HIKESHI: variants seen among roughly 807,000 people sequenced by gnomAD.
HIKESHI encodes protein Hikeshi.
In HIKESHI, 13 loss-of-function variants were observed where a neutral mutation model predicts 25.7. The observed-to-expected ratio is 0.51, with a 90% CI of 0.33 to 0.80. HIKESHI has a LOEUF of 0.80. HIKESHI is among the 30% of genes least tolerant of loss of function. The pLI is 0.02. For synonymous variants in HIKESHI, 76 were observed against 78.7 expected, an observed-to-expected ratio of 0.97 and a Z score of 0.18; for missense variants, 174 against 229.5, an observed-to-expected ratio of 0.76 and a Z score of 1.56.
chr11:86,321,556 G>A (rs146113743), intron 2 of HIKESHI, among the ~76,000 whole-genome samples: 166 of 151,214 alleles, frequency 1.1e-3, no homozygotes, highest in Non-Finnish European at 1.1e-3. Flanking sequence ...TTGAGACCAC[G>A]TGTCACTCTG....
chr11:86,304,955 T>C (rs1001515688), intron 1 of HIKESHI, among the ~76,000 whole-genome samples: 13 of 152,196 alleles, frequency 8.5e-5, no homozygotes, highest in African/African-American at 3.1e-4. Flanking sequence ...ATAAGGAGGA[T>C]TGCCTAATTA....
chr11:86,315,774 A>C (rs1183333415), intron 2 of HIKESHI, among the ~76,000 whole-genome samples: 1 of 152,144 alleles, frequency 6.6e-6, no homozygotes, highest in Non-Finnish European at 1.5e-5. Context: ...GCAAGACACA[A>C]AGTTAGCACA....
intron 2 of HIKESHI, among the ~76,000 whole-genome samples, chr11:86,320,945 C>CT (rs1463402098): frequency 2.6e-5 from 4 of 151,626 alleles, no homozygotes; most frequent in Admixed American, 2.0e-4. Flanking sequence ...ATTTTTTTCA[C>CT]TTTTTTTGAG....
chr11:86,305,863 C>G (rs983026384), intron 1 of HIKESHI, among the ~76,000 whole-genome samples: 2 of 152,118 alleles, frequency 1.3e-5, no homozygotes, highest in African/African-American at 4.8e-5. Flanking sequence ...GCCTCAGCCT[C>G]CCGAGTAGCT....
At position 86,316,771 on chromosome 11, in the gene HIKESHI, C is replaced by CTTTTTTTTT. The variant is rs71040229; in HGVS notation, c.268+10321_268+10329dup. Among the ~76,000 whole-genome samples, 308 of 68,762 alleles carry CTTTTTTTTT rather than the reference C, an allele frequency of 4.5e-3. 47 individuals carry two copies. The highest frequency in any genetic ancestry group is 6.6e-3 in the Non-Finnish European group (246 of 37,472). The allele number at this position is 68,762 out of a possible 152,430, so 45.1% of individuals were successfully genotyped here. ...TTATGAGTAATGAATCTGAAACATT[C>CTTTTTTTTT]TTTTTTTTTTTTTTTTTTTTTTTTT... On this transcript the variant is annotated intron_variant, in intron 2 of 4. Transcript: ENST00000278483.
At chr11:86,303,155 C>A (rs754783656) in intron 1 of HIKESHI, among the ~76,000 whole-genome samples, 48 of 152,166 alleles carry the variant, frequency 3.2e-4, no homozygotes, top group Non-Finnish European at 5.1e-4. Context: ...ACCTGGAATT[C>A]TTTAGGAATA....
At chr11:86,305,090 C>A (rs978994008) in intron 1 of HIKESHI, among the ~76,000 whole-genome samples, 5 of 152,174 alleles carry the variant, frequency 3.3e-5, no homozygotes, top group Admixed American at 1.3e-4. Flanking sequence ...GCCTTGACAT[C>A]CTGGGTTCAA....
chr11:86,310,623 G>A (rs1312884201), intron 2 of HIKESHI, among the ~76,000 whole-genome samples: 1 of 152,138 alleles, frequency 6.6e-6, no homozygotes. Context: ...GTGAGAGAGG[G>A]CATCCCTGTT....
At chr11:86,325,304 C>G (rs537348782) in intron 2 of HIKESHI, among the ~76,000 whole-genome samples, 7 of 152,084 alleles carry the variant, frequency 4.6e-5, no homozygotes, top group Non-Finnish European at 8.8e-5. Context: ...CAAGAGAGCT[C>G]TGTTGGGAGA....
At chr11:86,310,060 G>A (rs946466586) in intron 2 of HIKESHI, among the ~76,000 whole-genome samples, 4 of 147,888 alleles carry the variant, frequency 2.7e-5, no homozygotes, top group Non-Finnish European at 5.9e-5. Flanking sequence ...CTCTTTTTTG[G>A]TTCCATATGA....
In HIKESHI at chr11:86,327,620, C is replaced by T. The variant is rs538442291; in HGVS notation, c.269-9759C>T. ...TGAGCCACCGCGCCCAGCCAAGCCT[C>T]TGGTTTTCAAGACACTGAATTTCAG... On this transcript the variant is annotated intron_variant, in intron 2 of 4. Transcript: ENST00000278483. 4.6e-5 allele frequency among the ~76,000 whole-genome samples: 7 copies of T among 152,088 alleles called. No homozygotes were observed. In the South Asian group the frequency reaches 1.2e-3, roughly 27 times the overall value.
rs115288922 is a variant in HIKESHI, at chr11:86,337,359, C to G, written c.269-20C>G. The G allele has an allele frequency of 6.8e-6, 11 of 1,606,082 alleles. No individual in the cohort carries two copies. The highest frequency in any genetic ancestry group is 9.3e-6 in the Non-Finnish European group (11 of 1,176,608). ...TACAAGTTTAATTTGAAATGTGTGT[C>G]ATATGTTAATTTCTTGCAGGAGAAG... On this transcript the variant is annotated intron_variant, in intron 2 of 4. Coordinates refer to ENST00000278483, the MANE Select transcript of HIKESHI (RefSeq NM_016401.4).
intron 3 of HIKESHI, among the ~76,000 whole-genome samples, chr11:86,339,867 G>A (rs1181279601): frequency 1.3e-5 from 2 of 152,008 alleles, no homozygotes; most frequent in African/African-American, 4.8e-5. Context: ...TTTACATTAG[G>A]TATTTCTCCT....
intron 3 of HIKESHI, among the ~76,000 whole-genome samples, chr11:86,341,745 A>G (rs1314569887): frequency 6.6e-6 from 1 of 152,150 alleles, no homozygotes. Flanking sequence ...GACCTATTGT[A>G]TAGCCATAGA....
At chr11:86,322,754 C>G (rs1947182546) in intron 2 of HIKESHI, among the ~76,000 whole-genome samples, 1 of 151,948 alleles carries the variant, frequency 6.6e-6, no homozygotes, top group African/African-American at 2.4e-5. Flanking sequence ...AACTGGGATC[C>G]AATTTGAATT....
chr11:86,340,986 C>T (rs1947709676), intron 3 of HIKESHI, among the ~76,000 whole-genome samples: 1 of 152,220 alleles, frequency 6.6e-6, no homozygotes, highest in South Asian at 2.1e-4. Context: ...TGTTATGACT[C>T]TTACATTCTA....
intron 2 of HIKESHI, among the ~76,000 whole-genome samples, chr11:86,333,264 G>A (rs772997001): frequency 6.6e-6 from 1 of 152,036 alleles, no homozygotes. Context: ...GGCCGGGTGC[G>A]GTGGCTCATG....
At chr11:86,313,872 T>C (rs568677889) in intron 2 of HIKESHI, among the ~76,000 whole-genome samples, 2 of 152,122 alleles carry the variant, frequency 1.3e-5, no homozygotes, top group Non-Finnish European at 2.9e-5. Context: ...CTATGAGAGA[T>C]CTATTGGGCA....
chr11:86,331,592 AT>A (rs1314981417), intron 2 of HIKESHI, among the ~76,000 whole-genome samples: 1 of 152,180 alleles, frequency 6.6e-6, no homozygotes, highest in Non-Finnish European at 1.5e-5. Flanking sequence ...CTCTTTGAGA[AT>A]AGGGATGTTT....
Sources: gnomAD v4.1 joint callset for allele counts (sites outside exome capture counted in the v4.1 genomes callset) on GRCh38, gnomAD v4.1.1 for gene constraint, MANE v1.5 for transcripts, NCBI Gene and HGNC (gene_info 2026-07-23, HGNC 2026-07-21) for gene names.